The following KSR2 variants were observed in gnomAD, a reference collection of about 807,000 sequenced individuals.
KSR2 encodes the protein kinase suppressor of ras 2.
A neutral mutation model predicts 107.8 loss-of-function variants in KSR2; 25 were observed. The observed-to-expected ratio is 0.23, with a 90% CI of 0.17 to 0.32. The LOEUF (loss-of-function observed/expected upper bound fraction) is 0.32, where lower values mean the gene tolerates loss of function less well. KSR2 is among the 10% of genes least tolerant of loss of function. The probability of loss-of-function intolerance (pLI) is 1.00; values close to 1 mark genes in which losing one functional copy is unlikely to be tolerated. For synonymous variants in KSR2, 480 were observed against 507.0 expected (o/e 0.95, Z 0.71); for missense variants, 887 against 1,268.9 (o/e 0.70, Z 4.57).
At chr12:117,691,032 C>A (rs944342667) in intron 4 of KSR2, among the ~76,000 whole-genome samples, 1 of 152,154 alleles carries the variant, frequency 6.6e-6, no homozygotes, top group African/African-American at 2.4e-5. Context: ...AGAAGAGAAT[C>A]GGCAAACCTA....
At chr12:117,556,506 C>A (rs1437408091) in intron 8 of KSR2, among the ~76,000 whole-genome samples, 1 of 152,188 alleles carries the variant, frequency 6.6e-6, no homozygotes, top group African/African-American at 2.4e-5. Context: ...AAGACTTTGT[C>A]TTCACTTGCA....
intron 14 of KSR2, among the ~76,000 whole-genome samples, chr12:117,491,103 C>T (rs1872721480): frequency 6.6e-6 from 1 of 152,170 alleles, no homozygotes; most frequent in African/African-American, 2.4e-5. Context: ...CCTCTGGTAA[C>T]CACCATTCTA....
At chr12:117,555,758 T>C (rs780456915) in intron 8 of KSR2, among the ~76,000 whole-genome samples, 9 of 152,168 alleles carry the variant, frequency 5.9e-5, no homozygotes, top group Middle Eastern at 3.2e-3. Flanking sequence ...CTAAACAACT[T>C]TGGATCCCTG....
intron 5 of KSR2, among the ~76,000 whole-genome samples, chr12:117,655,742 A>C (rs952995763): frequency 6.6e-6 from 1 of 152,188 alleles, no homozygotes; most frequent in African/African-American, 2.4e-5. Flanking sequence ...CCTACCTTTA[A>C]GTCAACAGGC....
At chr12:117,703,247 T>C (rs749151430) in intron 4 of KSR2, among the ~76,000 whole-genome samples, 1 of 152,172 alleles carries the variant, frequency 6.6e-6, no homozygotes, top group Admixed American at 6.5e-5. Flanking sequence ...CTTTGTTACA[T>C]AGAAGAGGAA....
chr12:117,500,774 T>C lies in KSR2; in HGVS notation c.2220-15083A>G, dbSNP rs549934608. ...AATGAGGAAGTAGTGGCTCAAGAGA[T>C]TGAATGACTTGCCCAGTAATCCTCT... On this transcript the variant is annotated intron_variant, in intron 14 of 19. Coordinates refer to ENST00000339824, the MANE Select transcript of KSR2 (RefSeq NM_173598.6). 2.8e-4 allele frequency among the ~76,000 whole-genome samples: 42 copies of C among 152,262 alleles called. 1 individual carries two copies. In the South Asian group the frequency reaches 8.3e-3, roughly 30 times the overall value.
intron 3 of KSR2, among the ~76,000 whole-genome samples, chr12:117,815,144 C>T (rs1437431507): frequency 6.6e-6 from 1 of 152,214 alleles, no homozygotes; most frequent in East Asian, 1.9e-4. Flanking sequence ...AAATGCAAAA[C>T]ACACAAGCCC....
At chr12:117,817,122 C>T (rs999610479) in intron 3 of KSR2, among the ~76,000 whole-genome samples, 23 of 152,104 alleles carry the variant, frequency 1.5e-4, no homozygotes, top group African/African-American at 5.6e-4. Flanking sequence ...AATCCCAGAA[C>T]ACAGTTTTCA....
At chr12:117,599,120 G>T (rs1264868301) in intron 5 of KSR2, among the ~76,000 whole-genome samples, 5 of 152,166 alleles carry the variant, frequency 3.3e-5, no homozygotes, top group African/African-American at 9.7e-5. Flanking sequence ...GATGTTGAGT[G>T]TTAGCTATTT....
intron 5 of KSR2, among the ~76,000 whole-genome samples, chr12:117,600,279 A>C (rs556386130): frequency 2.6e-5 from 4 of 152,306 alleles, no homozygotes; most frequent in Middle Eastern, 3.4e-3. Context: ...CCTAACGTGC[A>C]ATCTTCCCAG....
chr12:117,476,624 T>C, intron 16 of KSR2, 29 bp from the exon 17 acceptor site: 1 of 1,597,984 alleles, frequency 6.3e-7, no homozygotes, highest in Non-Finnish European at 8.5e-7. Context: ...GGATGAGCTC[T>C]GTTTCATAGC....
In KSR2 at chr12:117,854,874, G is replaced by GA. The variant is rs35476760; in HGVS notation, c.472+553dup. On this transcript the variant is annotated intron_variant, in intron 3 of 19. Transcript: ENST00000339824. ...AGTCACAGAGGTTATTTTATTAGGTGAAAAAAAAAAAAATTTAAGCAATAT... is the reference window on the plus strand; with the variant it reads ...AGTCACAGAGGTTATTTTATTAGGTGAAAAAAAAAAAAAATTTAAGCAATAT... Among the ~76,000 whole-genome samples, 1,128 of 142,976 alleles carry GA rather than the reference G, an allele frequency of 7.9e-3. 22 individuals are homozygous for GA. The highest frequency in any genetic ancestry group is 0.029 in the East Asian group (146 of 4,956). The allele number at this position is 142,976 out of a possible 152,430, so 93.8% of individuals were successfully genotyped here. A position where few individuals can be genotyped will look rare whatever the true frequency, so the allele number is the denominator to read the frequency against.
At chr12:117,918,430 C>G (rs1895245995) in intron 1 of KSR2, among the ~76,000 whole-genome samples, 1 of 152,152 alleles carries the variant, frequency 6.6e-6, no homozygotes, top group South Asian at 2.1e-4. Context: ...GCCCCTATCA[C>G]CTGCTTGCCT....
chr12:117,669,745 G>T (rs1005412168), intron 4 of KSR2, among the ~76,000 whole-genome samples: 6 of 152,070 alleles, frequency 3.9e-5, no homozygotes, highest in South Asian at 2.1e-4. Flanking sequence ...GCATGTGCCT[G>T]CAGTCCCAGC....
chr12:117,668,243 C>T (rs1472603150), intron 4 of KSR2, among the ~76,000 whole-genome samples: 1 of 152,234 alleles, frequency 6.6e-6, no homozygotes, highest in Non-Finnish European at 1.5e-5. Context: ...ATCACAGTGC[C>T]TCTTCTGGAA....
chr12:117,878,510 T>C (rs1016206146), intron 1 of KSR2, among the ~76,000 whole-genome samples: 4 of 152,036 alleles, frequency 2.6e-5, no homozygotes, highest in Middle Eastern at 3.2e-3. Context: ...GCAGGTGCTG[T>C]ACTAGGGGAG....
At chr12:117,570,158 G>A (rs1460813119) in intron 7 of KSR2, among the ~76,000 whole-genome samples, 10 of 152,062 alleles carry the variant, frequency 6.6e-5, no homozygotes, top group Admixed American at 1.3e-4. Context: ...GCCTGCCACC[G>A]CGCCCGGCTA....
chr12:117,473,213 G>A (rs896509091), intron 17 of KSR2, among the ~76,000 whole-genome samples: 1 of 152,166 alleles, frequency 6.6e-6, no homozygotes, highest in Non-Finnish European at 1.5e-5. Context: ...GCCCCCTGTG[G>A]ACACTGCATG....
intron 14 of KSR2, among the ~76,000 whole-genome samples, chr12:117,518,336 G>A (rs1874524028): frequency 1.1e-4 from 16 of 152,090 alleles, no homozygotes; most frequent in Admixed American, 1.0e-3. Flanking sequence ...ATTACAAGAT[G>A]TTTAGGTAAT....
Sources: allele counts gnomAD v4.1 joint callset (sites outside exome capture counted in the v4.1 genomes callset), GRCh38; gene constraint gnomAD v4.1.1; transcripts MANE v1.5; gene names NCBI Gene and HGNC (gene_info 2026-07-23, HGNC 2026-07-21).